PTPRU: variants seen among roughly 807,000 people sequenced by gnomAD.
PTPRU encodes the protein protein tyrosine phosphatase receptor type U.
In PTPRU, 69 loss-of-function variants were observed where a neutral mutation model predicts 166.3. The ratio of observed to expected loss-of-function variants is 0.41; its 90% confidence interval spans 0.34 to 0.51. PTPRU has a LOEUF of 0.51. PTPRU is among the 20% of genes least tolerant of loss of function. The probability of loss-of-function intolerance (pLI) is 0.09; values close to 1 mark genes in which losing one functional copy is unlikely to be tolerated. For missense variants in PTPRU, 1,657 were observed against 2,013.7 expected (o/e 0.82, Z 3.39); for synonymous variants, 793 against 814.0 (o/e 0.97, Z 0.44).
At position 29,312,591 on chromosome 1, in the gene PTPRU, T is replaced by C. The variant is rs1310256792; in HGVS notation, c.3112T>C (p.Phe1038Leu). ...CCGGCACGAGGTCCGCCAGTTCCAC[T>C]TCACAGCGTGGCCAGAGCATGGCGT... ...SARHEVRQFH[F>L]TAWPEHGVPY... Residue 1038 changes from phenylalanine to leucine, a missense_variant, in exon 22 of 30, where the codon TTC (phenylalanine) becomes CTC (leucine). Physicochemically the swap from Phe to Leu is conservative, Grantham distance 22. Transcript: ENST00000373779. 1 of 1,604,686 alleles carries C rather than the reference T, an allele frequency of 6.2e-7. No homozygotes were observed.
chr1:29,304,093 G>A lies in PTPRU; in HGVS notation c.2667+48G>A, dbSNP rs939440333. On this transcript the variant is annotated intron_variant, in intron 16 of 29. Coordinates refer to ENST00000373779, the MANE Select transcript of PTPRU (RefSeq NM_133178.4). ...CAGGATCCCTGCAGAGGCCTCACCTGGCTCTTACTCTCTGTGGACTCTGAC... is the reference window on the plus strand; with the variant it reads ...CAGGATCCCTGCAGAGGCCTCACCTAGCTCTTACTCTCTGTGGACTCTGAC... 14 of 1,567,076 alleles carry A rather than the reference G, an allele frequency of 8.9e-6. No homozygotes were observed. In the South Asian group the frequency reaches 1.6e-4, roughly 18 times the overall value.
At chr1:29,240,274 T>C (rs1683983924) in intron 1 of PTPRU, among the ~76,000 whole-genome samples, 1 of 152,174 alleles carries the variant, frequency 6.6e-6, no homozygotes, top group Non-Finnish European at 1.5e-5. Context: ...ATTGTAATTA[T>C]TGTAATTACA....
intron 1 of PTPRU, among the ~76,000 whole-genome samples, chr1:29,244,015 C>T (rs754437085): frequency 1.3e-5 from 2 of 152,100 alleles, no homozygotes; most frequent in South Asian, 4.1e-4. Flanking sequence ...AACCACAAGA[C>T]CTTGTGATGA....
intron 12 of PTPRU, 124 bp from the exon 13 acceptor site, chr1:29,283,816 C>T: frequency 8.4e-7 from 1 of 1,188,218 alleles, no homozygotes; most frequent in Non-Finnish European, 1.2e-6. Flanking sequence ...GTGGGGTGTC[C>T]CTTGATGCCA....
At chr1:29,246,985 T>C (rs1684326425) in intron 1 of PTPRU, among the ~76,000 whole-genome samples, 1 of 152,232 alleles carries the variant, frequency 6.6e-6, no homozygotes, top group Admixed American at 6.5e-5. Context: ...GCACATACTC[T>C]GTTCCTCAGG....
At chr1:29,244,043 G>A (rs543402973) in intron 1 of PTPRU, among the ~76,000 whole-genome samples, 24 of 152,330 alleles carry the variant, frequency 1.6e-4, no homozygotes, top group African/African-American at 5.8e-4. Context: ...GGGACAAGGA[G>A]AAAGGGGGCT....
In PTPRU at chr1:29,291,830, C is replaced by G. The variant is rs755279071; in HGVS notation, c.2319-39C>G. On this transcript the variant is annotated intron_variant, in intron 14 of 29. Transcript: ENST00000373779. This position sits in a 1 kb window ranked among gnomAD's most constrained non-coding sequence, Gnocchi z 4.1. ...GCCACCTCTGGGTGCTGTCCAGCCC[C>G]ACACAATGCCTGTGTCTCCCCTCAA... is the stretch of plus-strand genomic sequence containing the variant. The G allele has an allele frequency of 1.6e-5, 25 of 1,607,726 alleles. No individual in the cohort carries two copies. The highest frequency in any genetic ancestry group is 8.9e-5 in the South Asian group (8 of 89,956).
At chr1:29,305,996 A>G (rs1687372418) in intron 18 of PTPRU, among the ~76,000 whole-genome samples, 1 of 152,246 alleles carries the variant, frequency 6.6e-6, no homozygotes, top group East Asian at 1.9e-4. Flanking sequence ...AGTTAGCACC[A>G]TGACCTCACT....
intron 1 of PTPRU, among the ~76,000 whole-genome samples, chr1:29,251,858 C>T (rs1684557166): frequency 1.3e-5 from 2 of 152,204 alleles, no homozygotes; most frequent in African/African-American, 4.8e-5. Flanking sequence ...GAGGCCTTGG[C>T]TAAGAGCCTT....
intron 1 of PTPRU, among the ~76,000 whole-genome samples, chr1:29,254,388 A>G (rs1402412746): frequency 1.3e-5 from 2 of 152,136 alleles, no homozygotes; most frequent in Admixed American, 6.5e-5. Flanking sequence ...ATGTATTTCA[A>G]TCCTCACTTC....
rs1687248642 is a variant in PTPRU, at chr1:29,303,741, C to T, written c.2477-114C>T. The T allele has an allele frequency of 6.0e-6, 7 of 1,161,810 alleles. No individual in the cohort carries two copies. The South Asian group carries it at 1.1e-4, about 18-fold the overall frequency. 72.0% of individuals were successfully genotyped at this position (1,161,810 alleles called of 1,614,324 possible). A position where few individuals can be genotyped will look rare whatever the true frequency, so the allele number is the denominator to read the frequency against. On this transcript the variant is annotated intron_variant, in intron 15 of 29. Transcript: ENST00000373779. ...GGCTGCTTGGCTCCAGCCAACAACC[C>T]AGCTATGCTTGGCATTGGCTGTGCC...
Position 29,238,141 on chromosome 1 carries a change from T to C in PTPRU, c.73+1424T>C, listed in dbSNP as rs145287864. ...TGTGTGGTCGCGTTCTCCGGGTGTGTTTCGGAGTCTGGTGTCTTTGGTGTG... is the reference window on the plus strand; with the variant it reads ...TGTGTGGTCGCGTTCTCCGGGTGTGCTTCGGAGTCTGGTGTCTTTGGTGTG... On this transcript the variant is annotated intron_variant, in intron 1 of 29. Coordinates refer to ENST00000373779, the MANE Select transcript of PTPRU (RefSeq NM_133178.4). This position sits in a 1 kb window ranked among gnomAD's most constrained non-coding sequence, Gnocchi z 6.1. Among the ~76,000 whole-genome samples, 29 of 151,812 alleles carry C rather than the reference T, an allele frequency of 1.9e-4. No individual in the cohort carries two copies. The highest frequency in any genetic ancestry group is 8.3e-4 in the South Asian group (4 of 4,798).
At chr1:29,242,893 T>G (rs1329379439) in intron 1 of PTPRU, among the ~76,000 whole-genome samples, 1 of 151,602 alleles carries the variant, frequency 6.6e-6, no homozygotes, top group Non-Finnish European at 1.5e-5. Context: ...GCCATCACGC[T>G]CTCGGTTTCT....
At chr1:29,254,292 T>C (rs1558550755) in intron 1 of PTPRU, among the ~76,000 whole-genome samples, 2 of 152,196 alleles carry the variant, frequency 1.3e-5, no homozygotes, top group African/African-American at 4.8e-5. Flanking sequence ...GAACCAATAG[T>C]GTTCTCAGGT....
chr1:29,288,866 A>G (rs950184251), intron 14 of PTPRU, among the ~76,000 whole-genome samples: 4 of 152,148 alleles, frequency 2.6e-5, no homozygotes, highest in Non-Finnish European at 5.9e-5. Flanking sequence ...CGCCTATGAA[A>G]TGGGAATCCA....
At chr1:29,276,138 T>G (rs1574649197) in intron 8 of PTPRU, among the ~76,000 whole-genome samples, 1 of 152,288 alleles carries the variant, frequency 6.6e-6, no homozygotes, top group East Asian at 1.9e-4. Context: ...TCAAATTTCT[T>G]GAGATAATGT....
intron 15 of PTPRU, among the ~76,000 whole-genome samples, chr1:29,300,177 C>T (rs1225857955): frequency 3.9e-5 from 6 of 152,192 alleles, no homozygotes; most frequent in African/African-American, 9.7e-5. Context: ...AACATCCCCA[C>T]GGTCACATAC....
In PTPRU at chr1:29,260,350, G is replaced by A; in HGVS notation, c.851-260G>A. 2 of 471,516 alleles carry A rather than the reference G, an allele frequency of 4.2e-6. No individual in the cohort carries two copies. Among genetic ancestry groups the A allele is most frequent in the South Asian group, 4.8e-5 (1 of 20,672 alleles). The allele number at this position is 471,516 out of a possible 1,614,324, so 29.2% of individuals were successfully genotyped here. A position where few individuals can be genotyped will look rare whatever the true frequency, so the allele number is the denominator to read the frequency against. On this transcript the variant is annotated intron_variant, in intron 6 of 29. Transcript: ENST00000373779. The surrounding 1 kb of genome is among the most constrained non-coding windows in gnomAD (Gnocchi z 8.3). ...TGGCCTGCGGTCCGCTCCAGGAGGC[G>A]AGGATGTGGGGGATTAGGAGGGGCC...
chr1:29,258,454 T>C (rs1489497140), intron 2 of PTPRU, 51 bp from the exon 3 acceptor site: 1 of 1,576,766 alleles, frequency 6.3e-7, no homozygotes, highest in East Asian at 2.2e-5. Context: ...CCTGGCCCTG[T>C]CCCTCCCCTG....
Sources: gnomAD v4.1 joint callset for allele counts (sites outside exome capture counted in the v4.1 genomes callset) on GRCh38, gnomAD v4.1.1 for gene constraint, Gnocchi (gnomAD v3.1) non-coding constraint, MANE v1.5 for transcripts, NCBI Gene and HGNC (gene_info 2026-07-23, HGNC 2026-07-21) for gene names.